WDPCP: variants seen among roughly 807,000 people sequenced by gnomAD.
WDPCP encodes WD repeat containing planar cell polarity effector.
Under a neutral mutation model 93.1 loss-of-function variants are expected in WDPCP, and 71 were observed. That is an observed-to-expected ratio of 0.76 (90% CI 0.63 to 0.93). The LOEUF (loss-of-function observed/expected upper bound fraction) is 0.93, where lower values mean the gene tolerates loss of function less well. Among genes scored for constraint, WDPCP ranks in the 40% least tolerant of loss-of-function variants. The probability of loss-of-function intolerance (pLI) is 0.00; values close to 1 mark genes in which losing one functional copy is unlikely to be tolerated. For synonymous variants in WDPCP, 315 were observed against 315.0 expected, an observed-to-expected ratio of 1.00 and a Z score of 0.00; for missense variants, 844 against 887.4, an observed-to-expected ratio of 0.95 and a Z score of 0.62.
At chr2:63,532,159 A>G (rs991755861) in intron 1 of WDPCP, among the ~76,000 whole-genome samples, 1 of 152,210 alleles carries the variant, frequency 6.6e-6, no homozygotes, top group Non-Finnish European at 1.5e-5. Flanking sequence ...AGAAGTTGAG[A>G]GAAAAAAGAG....
intron 2 of WDPCP, among the ~76,000 whole-genome samples, chr2:63,779,412 A>G (rs188196426): frequency 6.6e-5 from 10 of 152,318 alleles, no homozygotes; most frequent in Admixed American, 5.2e-4. Flanking sequence ...TCCCACAGTA[A>G]AAGGTAGGAT....
intron 1 of WDPCP, among the ~76,000 whole-genome samples, chr2:63,527,327 C>T (rs1296143813): frequency 2.0e-5 from 3 of 150,074 alleles, no homozygotes; most frequent in Admixed American, 6.7e-5. Context: ...CCCATTATCT[C>T]GTCATTTACA....
intron 3 of WDPCP, chr2:63,622,658 C>A: frequency 1.2e-6 from 2 of 1,613,926 alleles, no homozygotes; most frequent in South Asian, 2.2e-5. Flanking sequence ...TTCTGTTGGT[C>A]TTGGTCAGGA....
At chr2:63,711,296 AAGGTAG>A (rs749377985) in intron 2 of WDPCP, among the ~76,000 whole-genome samples, 7 of 152,200 alleles carry the variant, frequency 4.6e-5, no homozygotes, top group Non-Finnish European at 8.8e-5. Context: ...GACCAAATAT[AAGGTAG>A]TACCAGTAAA....
At chr2:63,800,276 T>C (rs1251632425) in intron 2 of WDPCP, among the ~76,000 whole-genome samples, 1 of 152,214 alleles carries the variant, frequency 6.6e-6, no homozygotes, top group African/African-American at 2.4e-5. Flanking sequence ...TATTGTGTGA[T>C]AAAATGTTAC....
intron 2 of WDPCP, among the ~76,000 whole-genome samples, chr2:63,660,383 G>C (rs766296894): frequency 6.6e-6 from 1 of 152,120 alleles, no homozygotes; most frequent in African/African-American, 2.4e-5. Flanking sequence ...CTCTGATAAG[G>C]CTTGCTTGAA....
intron 2 of WDPCP, among the ~76,000 whole-genome samples, chr2:63,760,258 G>A (rs936978624): frequency 1.3e-5 from 2 of 152,146 alleles, no homozygotes; most frequent in Non-Finnish European, 2.9e-5. Context: ...CTGCATCCAT[G>A]AAGGAAGCCT....
At chr2:63,325,626 A>G (rs953117463) in intron 12 of WDPCP, among the ~76,000 whole-genome samples, 7 of 152,240 alleles carry the variant, frequency 4.6e-5, no homozygotes, top group African/African-American at 1.7e-4. Context: ...TATTTCTCCC[A>G]CCTCCTCAGT....
intron 2 of WDPCP, among the ~76,000 whole-genome samples, chr2:63,687,992 A>G (rs1668834685): frequency 6.6e-6 from 1 of 152,216 alleles, no homozygotes; most frequent in Non-Finnish European, 1.5e-5. Flanking sequence ...CATACAATGG[A>G]GTACTATTCA....
At chr2:63,629,802 G>A (rs774431671) in intron 3 of WDPCP, among the ~76,000 whole-genome samples, 5 of 152,220 alleles carry the variant, frequency 3.3e-5, no homozygotes, top group Admixed American at 1.3e-4. Context: ...CCTTCCTGCC[G>A]TAGCACTGTC....
At chr2:63,249,470 A>G (rs1014429571) in intron 14 of WDPCP, among the ~76,000 whole-genome samples, 2 of 135,292 alleles carry the variant, frequency 1.5e-5, no homozygotes, top group Non-Finnish European at 3.5e-5. Flanking sequence ...AGCATAGATA[A>G]TCCCTAATAA....
At chr2:63,326,756 AG>A (rs1687587876) in intron 12 of WDPCP, among the ~76,000 whole-genome samples, 1 of 152,130 alleles carries the variant, frequency 6.6e-6, no homozygotes. Context: ...TCAGAGAGAG[AG>A]AGGAAGAGAC....
chr2:63,527,836 A>G (rs1052003775), intron 1 of WDPCP, among the ~76,000 whole-genome samples: 1 of 152,084 alleles, frequency 6.6e-6, no homozygotes, highest in African/African-American at 2.4e-5. Context: ...ATTCCCACCA[A>G]CAGTGTAAAA....
In WDPCP at chr2:63,133,361, G is replaced by A. The variant is rs57349008; in HGVS notation, c.2191-11305C>T. On this transcript the variant is annotated intron_variant, in intron 17 of 17. Transcript: ENST00000272321. The stretch of plus-strand genomic sequence containing the variant: ...GCAGAGATCTGAGTTAGGTGAATCA[G>A]GGATCAATTCTTCAGGCAGCCTTTA... 1.1e-3 allele frequency among the ~76,000 whole-genome samples: 167 copies of A among 152,286 alleles called. 2 individuals carry two copies. In the East Asian group the frequency reaches 0.028, roughly 26 times the overall value.
chr2:63,151,132 C>T (rs1671860813), intron 17 of WDPCP, among the ~76,000 whole-genome samples: 1 of 152,168 alleles, frequency 6.6e-6, no homozygotes, highest in Admixed American at 6.5e-5. Context: ...CAGAAAGATC[C>T]TTGGGAAGTC....
intron 2 of WDPCP, among the ~76,000 whole-genome samples, chr2:63,739,797 A>G (rs1669688209): frequency 6.6e-6 from 1 of 151,314 alleles, no homozygotes; most frequent in Non-Finnish European, 1.5e-5. Context: ...ATGGTATCCC[A>G]CTCTGGTTTT....
intron 3 of WDPCP, among the ~76,000 whole-genome samples, chr2:63,616,680 T>C (rs1709676008): frequency 6.6e-6 from 1 of 152,160 alleles, no homozygotes; most frequent in South Asian, 2.1e-4. Flanking sequence ...TCCTCCTATA[T>C]TAGAATGCAA....
At chr2:63,522,593 G>T (rs538412072) in intron 1 of WDPCP, among the ~76,000 whole-genome samples, 2 of 151,556 alleles carry the variant, frequency 1.3e-5, no homozygotes, top group African/African-American at 4.8e-5. Flanking sequence ...AAAGAGAGAA[G>T]ATCTAAATAA....
chr2:63,253,606 G>GCAGA (rs1258954703), intron 14 of WDPCP, among the ~76,000 whole-genome samples: 1 of 152,064 alleles, frequency 6.6e-6, no homozygotes, highest in African/African-American at 2.4e-5. Flanking sequence ...TTACTCAAAA[G>GCAGA]CAGACATACA....
Sources: allele counts gnomAD v4.1 joint callset (sites outside exome capture counted in the v4.1 genomes callset), GRCh38; gene constraint gnomAD v4.1.1; transcripts MANE v1.5; gene names NCBI Gene and HGNC (gene_info 2026-07-23, HGNC 2026-07-21).